TNRC6C: variants seen among roughly 807,000 people sequenced by gnomAD.
TNRC6C encodes trinucleotide repeat containing adaptor 6C.
TNRC6C carries 20 observed loss-of-function variants against 153.7 expected under a neutral mutation model. That is an observed-to-expected ratio of 0.13 (90% CI 0.09 to 0.19). The LOEUF (loss-of-function observed/expected upper bound fraction) is 0.19. Among genes scored for constraint, TNRC6C ranks in the 10% least tolerant of loss-of-function variants. The pLI is 1.00. For synonymous variants in TNRC6C, 811 were observed against 841.4 expected, an observed-to-expected ratio of 0.96 and a Z score of 0.63; for missense variants, 1,987 against 2,172.0, an observed-to-expected ratio of 0.91 and a Z score of 1.69.
intron 13 of TNRC6C, 47 bp downstream of exon 15, chr17:78,087,140 C>G: frequency 6.3e-7 from 1 of 1,596,062 alleles, no homozygotes; most frequent in Non-Finnish European, 8.5e-7. Context: ...AGAGAGGGTA[C>G]CTGGAGTCCG....
At chr17:77,960,862 A>T (rs1293064209) in intron 1 of TNRC6C, among the ~76,000 whole-genome samples, 1 of 152,244 alleles carries the variant, frequency 6.6e-6, no homozygotes, top group Non-Finnish European at 1.5e-5. Context: ...AGAACAAAGT[A>T]ATGATGTGAA....
At position 78,104,430 on chromosome 17, in the gene TNRC6C, G is replaced by A. The variant is rs956996302; in HGVS notation, c.4713-55G>A. The A allele has an allele frequency of 1.3e-5, 19 of 1,425,344 alleles. No homozygotes were observed. Among genetic ancestry groups the A allele is most frequent in the African/African-American group, 1.0e-4 (7 of 66,834 alleles). 88.3% of individuals were successfully genotyped at this position (1,425,344 alleles called of 1,614,324 possible). A position where few individuals can be genotyped will look rare whatever the true frequency, so the allele number is the denominator to read the frequency against. ...CCAATACAGAGAAAGCCAGTGCCAC[G>A]AACTCAGCAGGACTTGGGGTGGCCC... On this transcript the variant is annotated intron_variant, in intron 19 of 19. Transcript: ENST00000301624. The surrounding 1 kb of genome is among the most constrained non-coding windows in gnomAD (Gnocchi z 6.2).
At chr17:78,077,117 G>A in intron 8 of TNRC6C, 68 bp from the exon 11 acceptor site, 2 of 1,513,154 alleles carry the variant, frequency 1.3e-6, no homozygotes, top group Non-Finnish European at 1.8e-6. Context: ...TGTTTCCTTG[G>A]GAAACTGTTT....
chr17:77,959,055 G>T (rs1220117381), upstream of TNRC6C, among the ~76,000 whole-genome samples: 1 of 143,468 alleles, frequency 7.0e-6, no homozygotes, highest in African/African-American at 2.5e-5. Flanking sequence ...ACCTGGACCT[G>T]CCGGGACGCG....
chr17:78,098,215 T>C, intron 16 of TNRC6C, 128 bp from the exon 20 acceptor site: 1 of 950,934 alleles, frequency 1.1e-6, no homozygotes, highest in South Asian at 1.9e-5. Context: ...GGGGCTTGAC[T>C]TGGTGTTTCT....
chr17:78,019,759 A>G (rs2071797470), intron 1 of TNRC6C, among the ~76,000 whole-genome samples: 1 of 152,194 alleles, frequency 6.6e-6, no homozygotes, highest in Non-Finnish European at 1.5e-5. Context: ...GCCTTCCTGT[A>G]TTCTCCTGCT....
chr17:78,102,034 A>G (rs1399597093), intron 17 of TNRC6C, among the ~76,000 whole-genome samples: 3 of 152,244 alleles, frequency 2.0e-5, no homozygotes, highest in African/African-American at 7.2e-5. Context: ...CGTATCAGAT[A>G]GTTGGAAAGT....
In TNRC6C at chr17:78,103,438, T is replaced by C. The variant is rs751194050; in HGVS notation, c.4597T>C (p.Leu1533=). ...GATTGATGGTTCTACACTGCGGACA[T>C]TGTGTTTGCAACATGGGCCTCTTAT... Residue 1533 remains leucine (L), a synonymous_variant, in exon 19 of 20, where the codon TTG becomes CTG. Coordinates refer to ENST00000301624, the Ensembl canonical transcript of TNRC6C. The C allele has an allele frequency of 4.3e-6, 7 of 1,613,880 alleles. No individual in the cohort carries two copies. In the Admixed American group the frequency reaches 5.0e-5, roughly 12 times the overall value.
exon 3 of TNRC6C, chr17:78,051,339 T>TACCACC (rs573114195): frequency 1.6e-5 from 25 of 1,550,342 alleles, no homozygotes; most frequent in South Asian, 4.8e-5. Context: ...CCACGACCAA[T>TACCACC]ACCACCACCA....
chr17:78,087,248 CA>C (rs1385616502), intron 13 of TNRC6C, among the ~76,000 whole-genome samples, 155 bp downstream of exon 15: 22 of 152,058 alleles, frequency 1.4e-4, no homozygotes, highest in African/African-American at 5.1e-4. Flanking sequence ...AATCGGAGAG[CA>C]GGTATCTCAA....
In TNRC6C at chr17:78,104,939, G is replaced by C. The variant is rs558948148; in HGVS notation, c.*94G>C. ...GACCCGCTGGAACCCAGCAGCGGCC[G>C]CCCTTTTGAGTACCTCTGTCCAGGA... On this transcript the variant is annotated 3_prime_UTR_variant, in exon 20 of 20. Transcript: ENST00000301624. This position sits in a 1 kb window ranked among gnomAD's most constrained non-coding sequence, Gnocchi z 6.2. The C allele has an allele frequency of 7.6e-5, 103 of 1,361,116 alleles. No individual in the cohort carries two copies. The highest frequency in any genetic ancestry group is 9.6e-5 in the Non-Finnish European group (102 of 1,059,748). The allele number at this position is 1,361,116 out of a possible 1,614,324, so 84.3% of individuals were successfully genotyped here.
At chr17:78,097,955 C>A in intron 16 of TNRC6C, 94 bp downstream of exon 19, 1 of 1,072,330 alleles carries the variant, frequency 9.3e-7, no homozygotes, top group Non-Finnish European at 1.3e-6. Context: ...TGGCTCTTTA[C>A]TCACTCCCTG....
intron 6 of TNRC6C, among the ~76,000 whole-genome samples, chr17:78,071,793 A>G (rs920277868): frequency 3.3e-5 from 5 of 152,362 alleles, no homozygotes; most frequent in African/African-American, 4.8e-5. Flanking sequence ...GTATATTGAC[A>G]GAGATCACAA....
At chr17:78,093,740 A>G in exon 16 of TNRC6C, 1 of 1,613,880 alleles carries the variant, frequency 6.2e-7, no homozygotes, top group Non-Finnish European at 8.5e-7. Context: ...CAGGATGTCA[A>G]CCGCTACCTC....
chr17:78,064,769 A>G (rs2072839158), exon 4 of TNRC6C: 4 of 1,613,838 alleles, frequency 2.5e-6, no homozygotes, highest in Non-Finnish European at 3.4e-6. Flanking sequence ...AAAGACTGAA[A>G]ACTCTTGGGG....
chr17:78,106,776 A>T (rs181973116), exon 20 of TNRC6C: 233 of 152,108 alleles, frequency 1.5e-3, no homozygotes, highest in African/African-American at 5.1e-3. Context: ...AGTATGTTTT[A>T]AAAAATATAT....
At chr17:78,039,117 T>A (rs1034514259) in intron 2 of TNRC6C, among the ~76,000 whole-genome samples, 10 of 152,342 alleles carry the variant, frequency 6.6e-5, no homozygotes, top group Admixed American at 5.2e-4. Flanking sequence ...TTGGAACGTG[T>A]CGAGAGGCAG....
At chr17:78,034,491 C>T (rs1005687966) in intron 2 of TNRC6C, among the ~76,000 whole-genome samples, 8 of 151,742 alleles carry the variant, frequency 5.3e-5, no homozygotes, top group African/African-American at 1.9e-4. Context: ...ACTTCCAGTT[C>T]ATTGTCCCCC....
intron 4 of TNRC6C, 136 bp downstream of exon 6, chr17:78,065,073 G>A: frequency 9.6e-7 from 1 of 1,038,086 alleles, no homozygotes; most frequent in Non-Finnish European, 1.4e-6. Context: ...TCTTGGCCAA[G>A]CACAGTGCCT....
Sources: gnomAD v4.1 joint callset for allele counts (sites outside exome capture counted in the v4.1 genomes callset) on GRCh38, gnomAD v4.1.1 for gene constraint, Gnocchi (gnomAD v3.1) non-coding constraint, MANE v1.5 for transcripts, NCBI Gene and HGNC (gene_info 2026-07-23, HGNC 2026-07-21) for gene names.